CKAP5: variants seen among roughly 807,000 people sequenced by gnomAD.
The protein encoded by CKAP5 is cytoskeleton-associated protein 5.
A neutral mutation model predicts 232.8 loss-of-function variants in CKAP5; 27 were observed. The ratio of observed to expected loss-of-function variants is 0.12; its 90% CI spans 0.09 to 0.16. The LOEUF (loss-of-function observed/expected upper bound fraction) is 0.16, where lower values mean the gene tolerates loss of function less well. Ranked by LOEUF, CKAP5 falls within the 10% of genes least tolerant of loss-of-function variation. CKAP5 has a pLI of 1.00. For synonymous variants in CKAP5, 785 were observed against 841.1 expected, an observed-to-expected ratio of 0.93 and a Z score of 1.16; for missense variants, 1,838 against 2,424.7, an observed-to-expected ratio of 0.76 and a Z score of 5.08.
chr11:46,754,006 G>GT lies in CKAP5; in HGVS notation c.4870-510dup, dbSNP rs962091128. Among the ~76,000 whole-genome samples the GT allele has an allele frequency of 2.3e-3, 343 of 147,112 alleles. 1 individual carries two copies. Among genetic ancestry groups the GT allele is most frequent in the African/African-American group, 7.3e-3 (295 of 40,184 alleles). On this transcript the variant is annotated intron_variant, in intron 36 of 43. Transcript: ENST00000529230. ...TGTGCTTCTAATTGTGAAATTTTTT[G>GT]TTTTTTTTTTGAGACAGAGTCTTGC...
Position 46,780,413 on chromosome 11 carries a change from T to C in CKAP5, c.2307+15A>G. 1 of 1,613,788 alleles carries C rather than the reference T, an allele frequency of 6.2e-7. No homozygotes were observed. The highest frequency in any genetic ancestry group is 1.3e-5 in the African/African-American group (1 of 75,062). ...AGATGGCAATACTGCCCTATATATGTTGTTATGTACTCACTGGGTTTGTTG... is the reference window on the plus strand; with the variant it reads ...AGATGGCAATACTGCCCTATATATGCTGTTATGTACTCACTGGGTTTGTTG... On this transcript the variant is annotated intron_variant, in intron 19 of 43. Transcript: ENST00000529230.
At chr11:46,832,768 T>C (rs1450553747) in intron 1 of CKAP5, among the ~76,000 whole-genome samples, 1 of 152,166 alleles carries the variant, frequency 6.6e-6, no homozygotes, top group East Asian at 1.9e-4. Context: ...TTGTAAAGAT[T>C]AAATGAGATT....
Position 46,809,761 on chromosome 11 carries a change from A to G in CKAP5, c.744T>C (p.Ala248=). The change falls in exon 6 of 44, where the codon GCT becomes GCC. Residue 248 remains alanine (A), a synonymous_variant. Coordinates refer to ENST00000529230, the MANE Select transcript of CKAP5 (RefSeq NM_001008938.4). The stretch of plus-strand genomic sequence containing the variant: ...GCTTACCTCCTTCAGCATCTCCACC[A>G]GCAGACTGTTGTTGTTCCAATTTAG... ...LEAKLEQQQS[A]GGDAEGGGDD... 2 of 1,614,152 alleles carry G rather than the reference A, an allele frequency of 1.2e-6. No individual in the cohort carries two copies. Among genetic ancestry groups the G allele is most frequent in the Non-Finnish European group, 1.7e-6 (2 of 1,180,026 alleles).
chr11:46,812,467 A>C (rs1232850299), intron 4 of CKAP5, among the ~76,000 whole-genome samples: 2 of 152,214 alleles, frequency 1.3e-5, no homozygotes. Flanking sequence ...CAGATTCTGG[A>C]GCAGGAGAGA....
chr11:46,762,535 A>G (rs763665941), intron 31 of CKAP5, 92 bp downstream of exon 31: 2 of 1,461,920 alleles, frequency 1.4e-6, no homozygotes, highest in East Asian at 4.5e-5. Flanking sequence ...CTACATAGGC[A>G]CTGGAGAAAT....
intron 1 of CKAP5, among the ~76,000 whole-genome samples, chr11:46,834,808 TTTTTC>T (rs1409787485): frequency 5.3e-5 from 8 of 152,018 alleles, no homozygotes; most frequent in Non-Finnish European, 7.4e-5. Context: ...TGGATAGAGA[TTTTTC>T]TTTTCTTTTT....
chr11:46,803,375 C>G (rs1939079534), intron 8 of CKAP5, among the ~76,000 whole-genome samples: 2 of 151,932 alleles, frequency 1.3e-5, no homozygotes, highest in African/African-American at 4.8e-5. Context: ...TTCAAGCGAT[C>G]TTCCCACCTC....
intron 31 of CKAP5, 90 bp downstream of exon 31, chr11:46,762,537 T>C (rs764902521): frequency 1.3e-6 from 2 of 1,489,086 alleles, no homozygotes; most frequent in East Asian, 2.3e-5. Context: ...ACATAGGCAC[T>C]GGAGAAATTT....
rs1011051804 is a variant in CKAP5, at chr11:46,790,549, G to A, written c.1685C>T (p.Ala562Val). The A allele has an allele frequency of 5.6e-6, 9 of 1,614,032 alleles. No individual in the cohort carries two copies. The African/African-American group carries it at 8.0e-5, about 14-fold the overall frequency. ...GGPPKKGKPAAPGGAGNTGTK... is the reference protein window; with the variant it reads ...GGPPKKGKPAVPGGAGNTGTK... ...TCCAGTATTCCCTGCGCCTCCTGGTGCAGCTGGTTTCCCCTTTTTTGGTGG... is the reference window on the plus strand; with the variant it reads ...TCCAGTATTCCCTGCGCCTCCTGGTACAGCTGGTTTCCCCTTTTTTGGTGG... Residue 562 changes from alanine to valine, a missense_variant, in exon 14 of 44, where the codon GCA becomes GTA. Physicochemically the swap from Ala to Val is moderately conservative, Grantham distance 64 (BLOSUM62 0). Coordinates refer to ENST00000529230, the MANE Select transcript of CKAP5 (RefSeq NM_001008938.4).
intron 9 of CKAP5, among the ~76,000 whole-genome samples, chr11:46,799,730 G>A (rs563502287): frequency 1.3e-5 from 2 of 152,304 alleles, no homozygotes; most frequent in Non-Finnish European, 2.9e-5. Flanking sequence ...CGGGTGTGGT[G>A]GCTCAAGCCT....
Position 46,765,215 on chromosome 11 carries a change from C to T in CKAP5, c.3453G>A (p.Lys1151=). 6.2e-7 allele frequency: 1 copy of T among 1,612,986 alleles called. No individual in the cohort carries two copies. Among genetic ancestry groups the T allele is most frequent in the Non-Finnish European group, 8.5e-7 (1 of 1,179,570 alleles). The change falls in exon 28 of 44, where the codon AAG becomes AAA. Residue 1151 remains lysine (K), a synonymous_variant. Transcript: ENST00000529230. ...GKKMPSKTSL[K]EDEDKSGPIF... ...TAGGCCCGGATTTGTCTTCATCCTC[C>T]TTTAAGCTGGTTTTGCTTGGCATCT...
chr11:46,749,875 C>T (rs1256568005), intron 42 of CKAP5, among the ~76,000 whole-genome samples: 1 of 150,154 alleles, frequency 6.7e-6, no homozygotes, highest in Non-Finnish European at 1.5e-5. Context: ...AGCTTGAACC[C>T]GAGATTGCAC....
intron 24 of CKAP5, among the ~76,000 whole-genome samples, chr11:46,775,848 A>G (rs2065285757): frequency 6.6e-6 from 1 of 152,292 alleles, no homozygotes; most frequent in African/African-American, 2.4e-5. Context: ...GGGGAGGGAT[A>G]GCATTAGGAG....
At chr11:46,772,312 T>C (rs1483082847) in intron 24 of CKAP5, among the ~76,000 whole-genome samples, 1 of 152,180 alleles carries the variant, frequency 6.6e-6, no homozygotes, top group East Asian at 1.9e-4. Flanking sequence ...TTAATTTTCA[T>C]GTGGTCCAAT....
intron 8 of CKAP5, among the ~76,000 whole-genome samples, chr11:46,802,579 C>A (rs1939058852): frequency 1.3e-5 from 2 of 151,892 alleles, no homozygotes; most frequent in South Asian, 4.2e-4. Flanking sequence ...CACACACACA[C>A]ACACACACGG....
At chr11:46,745,506 T>C (rs1481865561) in intron 42 of CKAP5, among the ~76,000 whole-genome samples, 2 of 152,170 alleles carry the variant, frequency 1.3e-5, no homozygotes, top group Non-Finnish European at 1.5e-5. Context: ...TTATCACACG[T>C]TGAACATCCC....
intron 13 of CKAP5, among the ~76,000 whole-genome samples, chr11:46,792,627 T>C (rs1938762606): frequency 6.6e-6 from 1 of 152,158 alleles, no homozygotes; most frequent in Non-Finnish European, 1.5e-5. Context: ...TTCTACATGA[T>C]AGCTGGCTCA....
chr11:46,831,469 G>A (rs1379850609), intron 1 of CKAP5, among the ~76,000 whole-genome samples: 1 of 152,122 alleles, frequency 6.6e-6, no homozygotes, highest in Non-Finnish European at 1.5e-5. Flanking sequence ...ATTGCATAGT[G>A]CTTTGTGCTC....
intron 8 of CKAP5, among the ~76,000 whole-genome samples, chr11:46,805,919 A>G (rs1468630133): frequency 6.6e-6 from 1 of 152,244 alleles, no homozygotes; most frequent in Non-Finnish European, 1.5e-5. Context: ...CCTGGGCAAC[A>G]ATAACGAAAC....
Sources: allele counts gnomAD v4.1 joint callset (sites outside exome capture counted in the v4.1 genomes callset), GRCh38; gene constraint gnomAD v4.1.1; transcripts MANE v1.5; gene names NCBI Gene and HGNC (gene_info 2026-07-23, HGNC 2026-07-21).